Variants in PALM2AKAP2 observed in about 807,000 individuals in gnomAD.
The protein encoded by PALM2AKAP2 is PALM2-AKAP2 fusion protein.
A neutral mutation model predicts 71.5 loss-of-function variants in PALM2AKAP2; 37 were observed. That is an observed-to-expected ratio of 0.52 (90% CI 0.40 to 0.68). The LOEUF (loss-of-function observed/expected upper bound fraction) is 0.68. PALM2AKAP2 is among the 30% of genes least tolerant of loss of function. PALM2AKAP2 has a pLI of 0.00. For missense variants in PALM2AKAP2, 1,224 were observed against 1,191.8 expected, an observed-to-expected ratio of 1.03 and a Z score of -0.40; for synonymous variants, 468 against 478.8, an observed-to-expected ratio of 0.98 and a Z score of 0.29.
At chr9:109,821,707 A>G (rs1828011768) in intron 1 of PALM2AKAP2, among the ~76,000 whole-genome samples, 1 of 152,176 alleles carries the variant, frequency 6.6e-6, no homozygotes, top group South Asian at 2.1e-4. Flanking sequence ...TCTGGCTAGT[A>G]AGGGACTGGT....
At chr9:109,795,228 A>G (rs1274966095) in intron 1 of PALM2AKAP2, among the ~76,000 whole-genome samples, 2 of 152,176 alleles carry the variant, frequency 1.3e-5, no homozygotes, top group Admixed American at 6.6e-5. Flanking sequence ...GACATTGCCA[A>G]ATATCCTTTG....
chr9:109,838,596 T>A (rs1003082137), intron 1 of PALM2AKAP2, among the ~76,000 whole-genome samples: 2 of 152,138 alleles, frequency 1.3e-5, no homozygotes, highest in African/African-American at 2.4e-5. Flanking sequence ...GGAGCTGGTT[T>A]TTTGAAAAGA....
chr9:110,151,229 A>G (rs1025528628), intron 2 of PALM2AKAP2, among the ~76,000 whole-genome samples: 11 of 152,144 alleles, frequency 7.2e-5, no homozygotes, highest in Non-Finnish European at 2.9e-5. Context: ...TCATTTACTT[A>G]CTTTTAAAAT....
At position 109,715,783 on chromosome 9, in the gene PALM2AKAP2, A is replaced by G. The variant is rs184460979; in HGVS notation, c.6-64705A>G. On this transcript the variant is annotated intron_variant, in intron 1 of 6. Transcript: ENST00000374531. ...CCCCAGTTGTTCTAGCCTATTTCAT[A>G]TCCATTAGAGGTCATGCTTAGAATT... Among the ~76,000 whole-genome samples, 3 of 152,330 alleles carry G rather than the reference A, an allele frequency of 2.0e-5. No individual in the cohort carries two copies. The East Asian group carries it at 5.8e-4, about 29-fold the overall frequency.
chr9:109,962,515 T>C (rs1831869240), intron 6 of PALM2AKAP2, among the ~76,000 whole-genome samples: 1 of 152,248 alleles, frequency 6.6e-6, no homozygotes, highest in South Asian at 2.1e-4. Flanking sequence ...ATATTTATTG[T>C]CTGGTACTTT....
chr9:109,829,397 A>G (rs1309317508), intron 1 of PALM2AKAP2, among the ~76,000 whole-genome samples: 1 of 152,116 alleles, frequency 6.6e-6, no homozygotes, highest in Non-Finnish European at 1.5e-5. Flanking sequence ...AGCCTTAAGG[A>G]CTAGAGAGTG....
At chr9:110,152,679 C>T (rs1335781592) in intron 2 of PALM2AKAP2, among the ~76,000 whole-genome samples, 1 of 152,246 alleles carries the variant, frequency 6.6e-6, no homozygotes, top group East Asian at 1.9e-4. Context: ...ATCCGGAGTG[C>T]TGTCACCGTC....
At chr9:110,090,521 G>A (rs1223154590) in intron 1 of PALM2AKAP2, 1 of 433,554 alleles carries the variant, frequency 2.3e-6, no homozygotes, top group African/African-American at 2.0e-5. Context: ...TATTCTTCAG[G>A]GACATTGCAT....
intron 3 of PALM2AKAP2, among the ~76,000 whole-genome samples, chr9:109,886,837 C>T (rs564964661): frequency 1.1e-4 from 17 of 152,234 alleles, no homozygotes; most frequent in Non-Finnish European, 1.8e-4. Context: ...AGGTTGAGTT[C>T]TCAAAAAACT....
At chr9:110,137,945 G>T (rs113341282) in exon 2 of PALM2AKAP2, 9 of 1,614,054 alleles carry the variant, frequency 5.6e-6, no homozygotes, top group African/African-American at 5.3e-5. Flanking sequence ...GGAGTATCAG[G>T]CTGGCCTCCT....
chr9:110,027,518 T>C (rs550588240), intron 7 of PALM2AKAP2, among the ~76,000 whole-genome samples: 2 of 152,354 alleles, frequency 1.3e-5, no homozygotes, highest in East Asian at 1.9e-4. Flanking sequence ...GGTATTCTTA[T>C]TTACATGTTC....
At chr9:110,073,155 A>T (rs189371154) in intron 1 of PALM2AKAP2, among the ~76,000 whole-genome samples, 25 of 152,362 alleles carry the variant, frequency 1.6e-4, no homozygotes, top group Admixed American at 1.6e-3. Context: ...TCCAAAACAC[A>T]GAATGAGTCT....
Position 109,932,011 on chromosome 9 carries a change from G to A in PALM2AKAP2, c.479G>A (p.Gly160Glu). 6.2e-7 allele frequency: 1 copy of A among 1,613,076 alleles called. No individual in the cohort carries two copies. Among genetic ancestry groups the A allele is most frequent in the African/African-American group, 1.3e-5 (1 of 75,050 alleles). Residue 160 changes from glycine to glutamate, a missense_variant, in exon 6 of 10, where the codon GGG (glycine) becomes GAG (glutamate). Physicochemically the swap from Gly to Glu is moderately conservative, Grantham distance 98. Transcript: ENST00000302798. Reference sequence around the variant, plus strand: ...GCAGAACCATCACCTGGGCAGGACGGGACCAGCAGAGCGGCTGGTAAGTCC... The same window carrying A: ...GCAGAACCATCACCTGGGCAGGACGAGACCAGCAGAGCGGCTGGTAAGTCC...
chr9:109,717,451 G>C (rs901385548), intron 1 of PALM2AKAP2, among the ~76,000 whole-genome samples: 1 of 152,182 alleles, frequency 6.6e-6, no homozygotes, highest in Non-Finnish European at 1.5e-5. Context: ...GTGCCAGGAA[G>C]GTGTGTGGGG....
chr9:110,055,259 A>C lies in PALM2AKAP2; in HGVS notation c.156+6404A>C, dbSNP rs113660393. ...TGCCCAGGCTGGAGTGCAGTGGCGC[A>C]ATCTCAGCTCACAGCAACCTCCACC... On this transcript the variant is annotated intron_variant, in intron 1 of 3. Coordinates refer to ENST00000374525, the Ensembl canonical transcript of PALM2AKAP2. 6.4e-3 allele frequency among the ~76,000 whole-genome samples: 977 copies of C among 151,790 alleles called. 12 individuals are homozygous for C. The highest frequency in any genetic ancestry group is 0.047 in the South Asian group (223 of 4,794).
intron 3 of PALM2AKAP2, among the ~76,000 whole-genome samples, chr9:109,915,059 GTTTT>G (rs1279494087): frequency 6.6e-6 from 1 of 152,160 alleles, no homozygotes; most frequent in African/African-American, 2.4e-5. Flanking sequence ...TGGAAAATAA[GTTTT>G]GTTTGCCCCA....
intron 1 of PALM2AKAP2, among the ~76,000 whole-genome samples, chr9:109,724,306 G>C (rs962929965): frequency 6.6e-6 from 1 of 152,118 alleles, no homozygotes; most frequent in Non-Finnish European, 1.5e-5. Context: ...AAGATGTCAC[G>C]CTTCCCTAAA....
intron 6 of PALM2AKAP2, among the ~76,000 whole-genome samples, chr9:109,965,203 T>C (rs536782119): frequency 6.6e-6 from 1 of 152,314 alleles, no homozygotes; most frequent in South Asian, 2.1e-4. Flanking sequence ...ATCCCTACGA[T>C]AGATTTGTAT....
chr9:109,906,042 A>C (rs556915562), intron 3 of PALM2AKAP2, among the ~76,000 whole-genome samples: 1 of 152,268 alleles, frequency 6.6e-6, no homozygotes, highest in South Asian at 2.1e-4. Context: ...TCTTTTCCTC[A>C]AGAAGAGGTG....
Sources: allele counts gnomAD v4.1 joint callset (sites outside exome capture counted in the v4.1 genomes callset), GRCh38; gene constraint gnomAD v4.1.1; transcripts MANE v1.5; gene names NCBI Gene and HGNC (gene_info 2026-07-23, HGNC 2026-07-21).